The following ZNF25 variants were observed in gnomAD, a reference collection of about 807,000 sequenced individuals.
ZNF25 encodes zinc finger protein 25, also known as zinc finger protein 25 (KOX 19).
In ZNF25, 21 loss-of-function variants were observed where a neutral mutation model predicts 30.9. The ratio of observed to expected loss-of-function variants is 0.68; its 90% CI spans 0.48 to 0.98. The LOEUF is 0.98. ZNF25 is among the 50% of genes least tolerant of loss of function. The pLI is 0.00. For synonymous variants in ZNF25, 169 were observed against 181.3 expected (o/e 0.93, Z 0.55); for missense variants, 501 against 529.9 (o/e 0.95, Z 0.54).
Position 37,953,186 on chromosome 10 carries a change from TTC to T in ZNF25, c.310_311del (p.Glu104ThrfsTer15). 1 of 1,582,622 alleles carries T rather than the reference TTC, an allele frequency of 6.3e-7. No individual in the cohort carries two copies. The highest frequency in any genetic ancestry group is 8.5e-7 in the Non-Finnish European group (1 of 1,170,312). On this transcript the variant is annotated frameshift_variant, in exon 6 of 6. Coordinates refer to ENST00000302609, the MANE Select transcript of ZNF25 (RefSeq NM_145011.4). LOFTEE classifies it low-confidence loss of function (END_TRUNC). The stretch of plus-strand genomic sequence containing the variant: ...TATGAGTTTTCTGATGTTTTGTGAG[TTC>T]TCCATTCCTAGACAGAAAGTTCCAC... ...ESQAGNSRNGELTKHQKTHTT... is the reference protein window; with the variant it reads ...ESQAGNSRNGXLTKHQKTHTT...
Position 37,952,148 on chromosome 10 carries a change from CTTT to C in ZNF25, c.1347_1349del (p.Lys451del). 1 of 1,573,604 alleles carries C rather than the reference CTTT, an allele frequency of 6.4e-7. No individual in the cohort carries two copies. Among genetic ancestry groups the C allele is most frequent in the South Asian group, 1.2e-5 (1 of 84,752 alleles). On this transcript the variant is annotated inframe_deletion, in exon 6 of 6. Transcript: ENST00000302609. The stretch of plus-strand genomic sequence containing the variant: ...CATCTTACTTCTCAGCATTCCTCTT[CTTT>C]GTGTGTGTCTTCTGATGTGCAGTGA...
intron 2 of ZNF25, among the ~76,000 whole-genome samples, chr10:37,959,986 C>T (rs556479145): frequency 9.4e-4 from 143 of 152,040 alleles, no homozygotes; most frequent in African/African-American, 3.4e-3. Flanking sequence ...GCGATCTTAG[C>T]TCACTGCAAG....
chr10:37,956,729 CA>C (rs756809973), intron 4 of ZNF25, among the ~76,000 whole-genome samples: 4 of 151,766 alleles, frequency 2.6e-5, no homozygotes, highest in Non-Finnish European at 4.4e-5. Flanking sequence ...CCAGCCTGAC[CA>C]ACATGGAGAA....
chr10:37,975,787 G>C (rs1218884192), intron 1 of ZNF25, among the ~76,000 whole-genome samples: 1 of 152,162 alleles, frequency 6.6e-6, no homozygotes, highest in African/African-American at 2.4e-5. Flanking sequence ...TTGAGACTGG[G>C]TTCAAGTACA....
At chr10:37,975,364 C>A (rs1280276072) in intron 1 of ZNF25, among the ~76,000 whole-genome samples, 1 of 147,670 alleles carries the variant, frequency 6.8e-6, no homozygotes, top group Non-Finnish European at 1.5e-5. Context: ...CACATGTACC[C>A]CACAAATATG....
intron 1 of ZNF25, among the ~76,000 whole-genome samples, chr10:37,974,764 T>C (rs1338503554): frequency 3.3e-5 from 5 of 152,172 alleles, no homozygotes; most frequent in Non-Finnish European, 7.3e-5. Flanking sequence ...CTGCTATATA[T>C]ATATCCAAAA....
At position 37,951,284 on chromosome 10, in the gene ZNF25, T is replaced by C. The variant is rs1327601539; in HGVS notation, c.*843A>G. 6.6e-6 allele frequency: 1 copy of C among 152,426 alleles called. No individual in the cohort carries two copies. Among genetic ancestry groups the C allele is most frequent in the Non-Finnish European group, 1.5e-5 (1 of 68,040 alleles). 9.4% of individuals were successfully genotyped at this position (152,426 alleles called of 1,614,324 possible). ...CATAATAGTTACTGAACTAAGATTATATTATTTCGCTATGTACCATTATGG... is the reference window on the plus strand; with the variant it reads ...CATAATAGTTACTGAACTAAGATTACATTATTTCGCTATGTACCATTATGG... On this transcript the variant is annotated 3_prime_UTR_variant, in exon 6 of 6. Coordinates refer to ENST00000302609, the MANE Select transcript of ZNF25 (RefSeq NM_145011.4).
At chr10:37,971,092 A>C (rs1590326919) in intron 2 of ZNF25, among the ~76,000 whole-genome samples, 1 of 152,066 alleles carries the variant, frequency 6.6e-6, no homozygotes, top group Admixed American at 6.6e-5. Flanking sequence ...AGGCGGGAGG[A>C]TCATTTGAGG....
chr10:37,957,316 T>C (rs755827148), intron 3 of ZNF25, 104 bp downstream of exon 3: 209 of 1,436,796 alleles, frequency 1.5e-4, no homozygotes, highest in Non-Finnish European at 1.9e-4. Context: ...CTCTGAATCA[T>C]AGATAATGTC....
intron 4 of ZNF25, among the ~76,000 whole-genome samples, chr10:37,954,889 C>T (rs1274951451): frequency 6.6e-6 from 1 of 152,110 alleles, no homozygotes; most frequent in Non-Finnish European, 1.5e-5. Flanking sequence ...AACGGTGGCT[C>T]ATGCCTGTAA....
chr10:37,952,365 G>C lies in ZNF25; in HGVS notation c.1133C>G (p.Ser378Cys), dbSNP rs190592805. The C allele has an allele frequency of 6.2e-7, 1 of 1,613,846 alleles. No homozygotes were observed. ...TCTGAGGACTGAATTCACAGCAAAAGATTTGCCACATTCTGTGCATTCATA... is the reference window on the plus strand; with the variant it reads ...TCTGAGGACTGAATTCACAGCAAAACATTTGCCACATTCTGTGCATTCATA... ...KPYECTECGK[S>C]FAVNSVLRLH... is the part of the protein sequence containing the mutation. The change falls in exon 6 of 6, where the codon TCT (serine) becomes TGT (cysteine). Residue 378 changes from serine to cysteine, a missense_variant. Coordinates refer to ENST00000302609, the MANE Select transcript of ZNF25 (RefSeq NM_145011.4).
At chr10:37,966,857 C>T (rs2063216203) in intron 2 of ZNF25, among the ~76,000 whole-genome samples, 1 of 152,120 alleles carries the variant, frequency 6.6e-6, no homozygotes, top group African/African-American at 2.4e-5. Context: ...TATCAAACAT[C>T]ACTTTAAATA....
chr10:37,962,667 T>A (rs1197219932), intron 2 of ZNF25, among the ~76,000 whole-genome samples: 1 of 152,022 alleles, frequency 6.6e-6, no homozygotes, highest in South Asian at 2.1e-4. Flanking sequence ...TAAACCTATA[T>A]CCAGAATGAC....
At chr10:37,958,599 C>T (rs1017267263) in intron 2 of ZNF25, among the ~76,000 whole-genome samples, 4 of 152,174 alleles carry the variant, frequency 2.6e-5, no homozygotes, top group African/African-American at 7.2e-5. Context: ...TAATATAATA[C>T]ATACCTTTGC....
At chr10:37,959,732 C>G (rs907528853) in intron 2 of ZNF25, among the ~76,000 whole-genome samples, 3 of 151,934 alleles carry the variant, frequency 2.0e-5, no homozygotes, top group African/African-American at 7.3e-5. Context: ...GCCTCAGCCT[C>G]CTGAGTAGCT....
rs763158106 is a variant in ZNF25 at position 37,952,998 on chromosome 10, AT to A, written c.499del (p.Ile167PhefsTer27). ...CTCATAGGTTTTATCTCTCGTGTGA[AT>A]TTTCTGATGTCTTATGAGGTCTTCA... is the stretch of plus-strand genomic sequence containing the variant. ...KNEDLIRHQK[I>X]HTRDKTYECK... On this transcript the variant is annotated frameshift_variant, in exon 6 of 6. Coordinates refer to ENST00000302609, the MANE Select transcript of ZNF25 (RefSeq NM_145011.4). LOFTEE classifies it high-confidence loss of function. 1 of 1,613,880 alleles carries A rather than the reference AT, an allele frequency of 6.2e-7. No homozygotes were observed. The highest frequency in any genetic ancestry group is 8.5e-7 in the Non-Finnish European group (1 of 1,179,970).
intron 4 of ZNF25, 50 bp downstream of exon 4, chr10:37,956,970 A>T (rs758580441): frequency 5.3e-6 from 7 of 1,324,438 alleles, no homozygotes; most frequent in Non-Finnish European, 6.5e-6. Flanking sequence ...AGAAGGCAAG[A>T]GGCACCAACT....
intron 2 of ZNF25, among the ~76,000 whole-genome samples, chr10:37,962,281 A>T (rs2062930547): frequency 1.3e-5 from 2 of 152,096 alleles, no homozygotes; most frequent in African/African-American, 4.8e-5. Flanking sequence ...AAGAATAAGA[A>T]CTTAATTCTC....
chr10:37,972,433 A>G (rs1207141721), intron 1 of ZNF25, among the ~76,000 whole-genome samples: 1 of 152,190 alleles, frequency 6.6e-6, no homozygotes, highest in Non-Finnish European at 1.5e-5. Flanking sequence ...ATAATCTTGC[A>G]CAACCCTTCA....
Sources: allele counts gnomAD v4.1 joint callset (sites outside exome capture counted in the v4.1 genomes callset), GRCh38; gene constraint gnomAD v4.1.1; transcripts MANE v1.5; gene names NCBI Gene and HGNC (gene_info 2026-07-23, HGNC 2026-07-21).